Variants in BAZ1B observed in about 807,000 individuals in gnomAD.
BAZ1B encodes bromodomain adjacent to zinc finger domain 1B, also known as tyrosine-protein kinase BAZ1B.
BAZ1B carries 22 observed loss-of-function variants against 153.8 expected under a neutral mutation model. That is an observed-to-expected ratio of 0.14 (90% CI 0.10 to 0.20). The LOEUF (loss-of-function observed/expected upper bound fraction) is 0.20, where lower values mean the gene tolerates loss of function less well. BAZ1B is among the 10% of genes least tolerant of loss of function. The pLI is 1.00. For synonymous variants in BAZ1B, 676 were observed against 633.4 expected (o/e 1.07, Z -1.01); for missense variants, 1,325 against 1,799.3 (o/e 0.74, Z 4.77).
intron 7 of BAZ1B, among the ~76,000 whole-genome samples, chr7:73,473,919 C>T (rs1355763059): frequency 6.6e-6 from 1 of 152,212 alleles, no homozygotes; most frequent in Non-Finnish European, 1.5e-5. Context: ...GAGCTGAGAT[C>T]ACACTGCTGC....
chr7:73,518,399 C>A (rs572973761), intron 1 of BAZ1B, among the ~76,000 whole-genome samples: 1 of 151,304 alleles, frequency 6.6e-6, no homozygotes, highest in Admixed American at 6.6e-5. Context: ...GGCGACAGAG[C>A]GAGACTCCGT....
In BAZ1B at chr7:73,511,145, G is replaced by A. The variant is rs373196052; in HGVS notation, c.108-293C>T. ...TAGCTGTGAGTGGTTGTGGGCGCCT[G>A]TAGTCCCAGCTACTCAGGAGGCTGA... On this transcript the variant is annotated intron_variant, in intron 1 of 19. Coordinates refer to ENST00000339594, the MANE Select transcript of BAZ1B (RefSeq NM_032408.4). 6.6e-5 allele frequency among the ~76,000 whole-genome samples: 10 copies of A among 152,168 alleles called. No individual in the cohort carries two copies. The South Asian group carries it at 2.1e-3, about 32-fold the overall frequency.
chr7:73,497,429 G>A lies in BAZ1B; in HGVS notation c.571+1068C>T, dbSNP rs374503599. Among the ~76,000 whole-genome samples the A allele has an allele frequency of 1.4e-4, 21 of 152,138 alleles. No homozygotes were observed. The East Asian group carries it at 2.1e-3, about 15-fold the overall frequency. On this transcript the variant is annotated intron_variant, in intron 4 of 19. Coordinates refer to ENST00000339594, the MANE Select transcript of BAZ1B (RefSeq NM_032408.4). Reference sequence around the variant, plus strand: ...AATACTGAATCTTCATATTTTTCTTGACTGAGAATGGTGCCAGGTATGGTC... The same window carrying A: ...AATACTGAATCTTCATATTTTTCTTAACTGAGAATGGTGCCAGGTATGGTC...
At chr7:73,454,081 T>G (rs1788109616) in intron 13 of BAZ1B, among the ~76,000 whole-genome samples, 1 of 152,048 alleles carries the variant, frequency 6.6e-6, no homozygotes, top group Non-Finnish European at 1.5e-5. Context: ...GGAGGAGCAC[T>G]GGAGCCCAGG....
At position 73,442,164 on chromosome 7, in the gene BAZ1B, C is replaced by A. The variant is rs367685657; in HGVS notation, c.*15+17G>T. 1.2e-5 allele frequency: 16 copies of A among 1,384,852 alleles called. No individual in the cohort carries two copies. The highest frequency in any genetic ancestry group is 6.9e-5 in the East Asian group (3 of 43,386). 85.8% of individuals were successfully genotyped at this position (1,384,852 alleles called of 1,614,324 possible). A position where few individuals can be genotyped will look rare whatever the true frequency, so the allele number is the denominator to read the frequency against. On this transcript the variant is annotated intron_variant, in intron 19 of 19. Transcript: ENST00000339594. ...CTCCCACCCTCCCTAGCTGTCCCCCCACCTCAGCTCCCTTACCACGGCCCT... is the reference window on the plus strand; with the variant it reads ...CTCCCACCCTCCCTAGCTGTCCCCCAACCTCAGCTCCCTTACCACGGCCCT...
At position 73,443,980 on chromosome 7, in the gene BAZ1B, T is replaced by A. The variant is rs1583880930; in HGVS notation, c.3990+4A>T. The A allele has an allele frequency of 6.2e-7, 1 of 1,613,204 alleles. No individual in the cohort carries two copies. The highest frequency in any genetic ancestry group is 2.2e-5 in the East Asian group (1 of 44,794). On this transcript the variant is annotated splice_donor_region_variant and intron_variant, in intron 17 of 19. Transcript: ENST00000339594. The stretch of plus-strand genomic sequence containing the variant: ...TTAGAGAAGGGATGATAAATAATTC[T>A]CACCAGCTCATCCACCTCAGCATCA...
intron 14 of BAZ1B, 44 bp from the exon 15 acceptor site, chr7:73,449,733 GCAGT>G: frequency 6.3e-7 from 1 of 1,599,658 alleles, no homozygotes; most frequent in Non-Finnish European, 8.5e-7. Context: ...GAGCACAGCA[GCAGT>G]CAATGAGCTG....
At chr7:73,497,243 T>A (rs987103340) in intron 4 of BAZ1B, among the ~76,000 whole-genome samples, 2 of 151,704 alleles carry the variant, frequency 1.3e-5, no homozygotes, top group Non-Finnish European at 2.9e-5. Flanking sequence ...ACCTTATCTA[T>A]GAAAAGCCAA....
Position 73,489,333 on chromosome 7 carries a change from T to A in BAZ1B, c.752A>T (p.Glu251Val). The change falls in exon 6 of 20, where the codon GAG becomes GTG. Residue 251 changes from glutamate (E) to valine (V), a missense_variant. This residue lies in a region of BAZ1B where 153 missense variants were observed against 204.8 expected (regional missense o/e 0.75). Coordinates refer to ENST00000339594, the MANE Select transcript of BAZ1B (RefSeq NM_032408.4). ...ATGCCGTATAAAGTATCGAACTATC[T>A]CCTTATTTGGTGGGCGCTCTGTACG... The part of the protein sequence containing the change: ...LIRTERPPNK[E>V]IVRYFIRHNA... The A allele has an allele frequency of 6.2e-7, 1 of 1,614,172 alleles. No individual in the cohort carries two copies.
At chr7:73,492,770 T>C in intron 5 of BAZ1B, 30 bp downstream of exon 5, 2 of 1,559,256 alleles carry the variant, frequency 1.3e-6, no homozygotes, top group Non-Finnish European at 1.7e-6. Context: ...AGAACATCTA[T>C]CACATGTAAA....
intron 1 of BAZ1B, among the ~76,000 whole-genome samples, chr7:73,514,994 T>G (rs937739118): frequency 2.0e-5 from 3 of 151,644 alleles, no homozygotes; most frequent in South Asian, 2.1e-4. Context: ...ACTGCTTGAA[T>G]GAGGAAGGCG....
At chr7:73,491,751 G>A (rs1222461896) in intron 5 of BAZ1B, among the ~76,000 whole-genome samples, 3 of 152,154 alleles carry the variant, frequency 2.0e-5, no homozygotes, top group African/African-American at 7.2e-5. Context: ...AAAGATTTGG[G>A]TTACAATCCT....
chr7:73,489,412 T>TA, intron 5 of BAZ1B, 21 bp from the exon 6 acceptor site: 1 of 1,613,272 alleles, frequency 6.2e-7, no homozygotes, highest in Non-Finnish European at 8.5e-7. Context: ...AAGAAACAAA[T>TA]AACTCACCAC....
At chr7:73,497,840 T>C (rs1323281847) in intron 4 of BAZ1B, among the ~76,000 whole-genome samples, 1 of 152,178 alleles carries the variant, frequency 6.6e-6, no homozygotes, top group Non-Finnish European at 1.5e-5. Flanking sequence ...CTTCCTACCT[T>C]GATCACCCCC....
At chr7:73,479,372 G>C (rs1283803432) in intron 6 of BAZ1B, among the ~76,000 whole-genome samples, 1 of 151,910 alleles carries the variant, frequency 6.6e-6, no homozygotes, top group Non-Finnish European at 1.5e-5. Flanking sequence ...AGCCAGGCAT[G>C]GTGGCACATG....
At position 73,469,657 on chromosome 7, in the gene BAZ1B, A is replaced by T; in HGVS notation, c.2733-7T>A. On this transcript the variant is annotated splice_polypyrimidine_tract_variant and splice_region_variant and intron_variant, in intron 8 of 19. Transcript: ENST00000339594. Reference sequence around the variant, plus strand: ...ATCTGAGAAGAGCCAGTATCTACAAATCACAACCAGTATTAATAAGACAGT... The same window carrying T: ...ATCTGAGAAGAGCCAGTATCTACAATTCACAACCAGTATTAATAAGACAGT... The T allele has an allele frequency of 1.2e-6, 2 of 1,613,868 alleles. No homozygotes were observed. Among genetic ancestry groups the T allele is most frequent in the Non-Finnish European group, 1.7e-6 (2 of 1,179,842 alleles).
intron 16 of BAZ1B, among the ~76,000 whole-genome samples, chr7:73,445,028 A>AAC (rs10557903): frequency 4.0e-4 from 59 of 148,606 alleles, no homozygotes; most frequent in South Asian, 1.3e-3. Context: ...AAAGAAAAAA[A>AAC]ACACACACAC....
At chr7:73,512,140 C>T (rs1358386351) in intron 1 of BAZ1B, among the ~76,000 whole-genome samples, 1 of 151,206 alleles carries the variant, frequency 6.6e-6, no homozygotes, top group Non-Finnish European at 1.5e-5. Context: ...CATTAATGAT[C>T]CATTTACCCA....
At chr7:73,448,242 TAC>T (rs1488929660) in intron 15 of BAZ1B, among the ~76,000 whole-genome samples, 2 of 152,084 alleles carry the variant, frequency 1.3e-5, no homozygotes, top group African/African-American at 2.4e-5. Context: ...AGGTGGAAGT[TAC>T]AGTGAGCCGA....
Sources: gnomAD v4.1 joint callset for allele counts (sites outside exome capture counted in the v4.1 genomes callset) on GRCh38, gnomAD v4.1.1 for gene constraint, gnomAD v4.1.1 regional missense constraint, MANE v1.5 for transcripts, NCBI Gene and HGNC (gene_info 2026-07-23, HGNC 2026-07-21) for gene names.